PRDM16: variants seen among roughly 807,000 people sequenced by gnomAD.
PRDM16 encodes PR/SET domain 16.
In PRDM16, 23 loss-of-function variants were observed where a neutral mutation model predicts 110.6. The observed-to-expected ratio is 0.21, with a 90% CI of 0.15 to 0.29. PRDM16 has a LOEUF of 0.29. PRDM16 is among the 10% of genes least tolerant of loss of function. PRDM16 has a pLI of 1.00. For synonymous variants in PRDM16, 799 were observed against 781.8 expected (o/e 1.02, Z -0.37); for missense variants, 1,615 against 1,794.3 (o/e 0.90, Z 1.81).
intron 1 of PRDM16, among the ~76,000 whole-genome samples, chr1:3,146,870 C>T (rs983488702): frequency 9.0e-5 from 7 of 77,816 alleles, no homozygotes; most frequent in East Asian, 4.4e-4. Context: ...TGTGTGTGCA[C>T]GTGTGTTTGG....
chr1:3,285,546 C>G (rs2100339688), intron 3 of PRDM16, among the ~76,000 whole-genome samples: 1 of 152,266 alleles, frequency 6.6e-6, no homozygotes, highest in East Asian at 1.9e-4. Flanking sequence ...GACATGCTCG[C>G]TCGGGAGCTT....
rs546677903 is a variant in PRDM16 at position 3,109,941 on chromosome 1, C to T, written c.37+40645C>T. Among the ~76,000 whole-genome samples the T allele has an allele frequency of 5.1e-4, 77 of 150,800 alleles. No homozygotes were observed. The South Asian group carries it at 7.2e-3, about 14-fold the overall frequency. On this transcript the variant is annotated intron_variant, in intron 1 of 16. Transcript: ENST00000270722. The stretch of plus-strand genomic sequence containing the variant: ...GTCCTGCGTGTGGGGACACAGTGCT[C>T]GGGGGCTCCCCTATGTCCTGGGTGT...
Position 3,405,532 on chromosome 1 carries a change from G to T in PRDM16, c.1070G>T (p.Arg357Leu). 6.2e-7 allele frequency: 1 copy of T among 1,602,350 alleles called. No individual in the cohort carries two copies. Among genetic ancestry groups the T allele is most frequent in the Non-Finnish European group, 8.5e-7 (1 of 1,174,892 alleles). Residue 357 changes from arginine to leucine, a missense_variant, in exon 8 of 17, where the codon CGC (arginine) becomes CTC (leucine). By Grantham distance (102) the Arg-to-Leu change is moderately radical. Transcript: ENST00000270722. Reference protein sequence around the residue: ...TDPSNLQRHIRSQHVGARAHA... With the variant: ...TDPSNLQRHILSQHVGARAHA... ...CCCAGCAACCTTCAGCGGCACATCC[G>T]CTCGCAGCACGTGGGCGCTCGGGCC...
At position 3,404,455 on chromosome 1, in the gene PRDM16, G is replaced by A. The variant is rs539892654; in HGVS notation, c.885-284G>A. 1.2e-4 allele frequency among the ~76,000 whole-genome samples: 18 copies of A among 152,368 alleles called. No homozygotes were observed. In the East Asian group the frequency reaches 2.5e-3, roughly 21 times the overall value. The stretch of plus-strand genomic sequence containing the variant: ...GAGAGGCACCCAGGGAGTGTGGGCC[G>A]GGGTCCGGCACTGCCTCCAGCCGCC... On this transcript the variant is annotated intron_variant, in intron 6 of 16. Transcript: ENST00000270722.
intron 12 of PRDM16, among the ~76,000 whole-genome samples, chr1:3,421,928 G>A (rs189803932): frequency 7.5e-5 from 4 of 53,226 alleles, no homozygotes; most frequent in Admixed American, 3.0e-4. Flanking sequence ...AGACAGACAG[G>A]CAGGCAGACA....
At chr1:3,414,442 C>A in intron 9 of PRDM16, 118 bp from the exon 10 acceptor site, 2 of 736,248 alleles carry the variant, frequency 2.7e-6, no homozygotes, top group South Asian at 1.7e-5. Context: ...GAGGTCCACA[C>A]CATGGCCTTG....
intron 3 of PRDM16, among the ~76,000 whole-genome samples, chr1:3,295,444 C>G (rs891183215): frequency 6.6e-6 from 1 of 152,144 alleles, no homozygotes; most frequent in Non-Finnish European, 1.5e-5. Context: ...CCAGATCCCT[C>G]GAGGACCCCC....
rs150731439 is a variant in PRDM16, at chr1:3,098,336, T to C, written c.37+29040T>C. On this transcript the variant is annotated intron_variant, in intron 1 of 16. Transcript: ENST00000270722. Reference sequence around the variant, plus strand: ...CTCCCTGCTCCTGGGTGTCAACTCTTGGGCGAGGTCACCCTCACTGCCCAC... The same window carrying C: ...CTCCCTGCTCCTGGGTGTCAACTCTCGGGCGAGGTCACCCTCACTGCCCAC... Among the ~76,000 whole-genome samples, 54 of 152,260 alleles carry C rather than the reference T, an allele frequency of 3.5e-4. 1 individual carries two copies. The East Asian group carries it at 0.01, about 28-fold the overall frequency.
At chr1:3,084,248 G>T (rs1642097940) in intron 1 of PRDM16, among the ~76,000 whole-genome samples, 1 of 152,192 alleles carries the variant, frequency 6.6e-6, no homozygotes, top group Non-Finnish European at 1.5e-5. Context: ...GGGCAGGTTG[G>T]GCTGGAGCCC....
intron 1 of PRDM16, among the ~76,000 whole-genome samples, chr1:3,151,702 C>G (rs1372298202): frequency 6.6e-6 from 1 of 152,220 alleles, no homozygotes; most frequent in Non-Finnish European, 1.5e-5. Flanking sequence ...GTCTGAGTGG[C>G]CGGGCGTGCA....
chr1:3,256,990 T>C (rs1243949576), intron 3 of PRDM16, among the ~76,000 whole-genome samples: 4 of 152,250 alleles, frequency 2.6e-5, no homozygotes, highest in African/African-American at 7.2e-5. Flanking sequence ...TTTTGAATGA[T>C]AATATGCCTT....
intron 2 of PRDM16, among the ~76,000 whole-genome samples, chr1:3,239,335 G>A (rs1364722202): frequency 6.6e-6 from 1 of 152,028 alleles, no homozygotes; most frequent in Non-Finnish European, 1.5e-5. Context: ...TAGGCCGCAT[G>A]GAAGCTGAAG....
Position 3,190,198 on chromosome 1 carries a change from C to T in PRDM16, c.387+3724C>T, listed in dbSNP as rs1337368120. Among the ~76,000 whole-genome samples, 2 of 149,622 alleles carry T rather than the reference C, an allele frequency of 1.3e-5. No homozygotes were observed. Among genetic ancestry groups the T allele is most frequent in the Non-Finnish European group, 2.9e-5 (2 of 67,816 alleles). On this transcript the variant is annotated intron_variant, in intron 2 of 16. Transcript: ENST00000270722. The surrounding 1 kb of genome is among the most constrained non-coding windows in gnomAD (Gnocchi z 5.0). Reference sequence around the variant, plus strand: ...GCCTTACTTCAAGGTCGTGGGGCAGCGTTACTTCAAGGTCGTGGGGCAGCC... The same window carrying T: ...GCCTTACTTCAAGGTCGTGGGGCAGTGTTACTTCAAGGTCGTGGGGCAGCC...
intron 3 of PRDM16, among the ~76,000 whole-genome samples, chr1:3,283,214 C>G (rs1216282538): frequency 6.6e-6 from 1 of 152,198 alleles, no homozygotes; most frequent in Non-Finnish European, 1.5e-5. Context: ...CAGCATATCC[C>G]AGGCACAGCT....
At chr1:3,391,032 C>T (rs1208399399) in intron 4 of PRDM16, among the ~76,000 whole-genome samples, 1 of 152,122 alleles carries the variant, frequency 6.6e-6, no homozygotes, top group Non-Finnish European at 1.5e-5. Flanking sequence ...GACAGGGTTT[C>T]ACCATGTTGG....
intron 3 of PRDM16, among the ~76,000 whole-genome samples, chr1:3,268,638 C>A (rs1251749800): frequency 1.3e-5 from 2 of 152,224 alleles, no homozygotes; most frequent in Admixed American, 1.3e-4. Context: ...CACAGCTGCC[C>A]CTGCAGCACC....
rs1260618837 is a variant in PRDM16 at position 3,201,842 on chromosome 1, C to T, written c.387+15368C>T. 6.6e-6 allele frequency among the ~76,000 whole-genome samples: 1 copy of T among 152,240 alleles called. No individual in the cohort carries two copies. Among genetic ancestry groups the T allele is most frequent in the African/African-American group, 2.4e-5 (1 of 41,476 alleles). On this transcript the variant is annotated intron_variant, in intron 2 of 16. Coordinates refer to ENST00000270722, the MANE Select transcript of PRDM16 (RefSeq NM_022114.4). The surrounding 1 kb of genome is among the most constrained non-coding windows in gnomAD (Gnocchi z 4.1). The stretch of plus-strand genomic sequence containing the variant: ...CTCCCGCCCACTTCTGTGTCCACTG[C>T]AGAGCCTGCGGCTTCCCAGATCCCA...
rs775445143 is a variant in PRDM16 at position 3,396,609 on chromosome 1, C to G, written c.676+16C>G. On this transcript the variant is annotated intron_variant, in intron 5 of 16. Coordinates refer to ENST00000270722, the MANE Select transcript of PRDM16 (RefSeq NM_022114.4). ...GGCCTGGACGGTAAGACCCCTCCCC[C>G]AAACCGGGCCACGGCCCCTGGGAGC... The G allele has an allele frequency of 7.3e-7, 1 of 1,361,912 alleles. No individual in the cohort carries two copies. Among genetic ancestry groups the G allele is most frequent in the Non-Finnish European group, 1.0e-6 (1 of 981,656 alleles). The allele number at this position is 1,361,912 out of a possible 1,614,324, so 84.4% of individuals were successfully genotyped here.
At chr1:3,301,017 C>A (rs1352963151) in intron 3 of PRDM16, among the ~76,000 whole-genome samples, 1 of 152,168 alleles carries the variant, frequency 6.6e-6, no homozygotes, top group Non-Finnish European at 1.5e-5. Flanking sequence ...CCCCACCAAA[C>A]CTGACATGAA....
Sources: gnomAD v4.1 joint callset for allele counts (sites outside exome capture counted in the v4.1 genomes callset) on GRCh38, gnomAD v4.1.1 for gene constraint, Gnocchi (gnomAD v3.1) non-coding constraint, MANE v1.5 for transcripts, NCBI Gene and HGNC (gene_info 2026-07-23, HGNC 2026-07-21) for gene names.